TIMP3: variants seen among roughly 807,000 people sequenced by gnomAD.
The protein encoded by TIMP3 is TIMP metallopeptidase inhibitor 3, also known as metalloproteinase inhibitor 3.
In TIMP3, 11 loss-of-function variants were observed where a neutral mutation model predicts 30.0. That is an observed-to-expected ratio of 0.37 (90% CI 0.23 to 0.61). The LOEUF is 0.61. Ranked by LOEUF, TIMP3 falls within the 20% of genes least tolerant of loss-of-function variation. The probability of loss-of-function intolerance (pLI) is 0.70; values close to 1 mark genes in which losing one functional copy is unlikely to be tolerated. For missense variants in TIMP3, 181 were observed against 276.8 expected (o/e 0.65, Z 2.45); for synonymous variants, 112 against 111.3 (o/e 1.01, Z -0.04).
chr22:32,855,978 C>T (rs2048352538), intron 2 of TIMP3, among the ~76,000 whole-genome samples: 1 of 152,210 alleles, frequency 6.6e-6, no homozygotes, highest in Admixed American at 6.5e-5. Flanking sequence ...GAACCCAATG[C>T]TTTCACCAGA....
In TIMP3 at chr22:32,859,512, G is replaced by A. The variant is rs1054464833; in HGVS notation, c.*135G>A. On this transcript the variant is annotated 3_prime_UTR_variant, in exon 5 of 5. Coordinates refer to ENST00000266085, the MANE Select transcript of TIMP3 (RefSeq NM_000362.5). The stretch of plus-strand genomic sequence containing the variant: ...TTAGCACTTGGAACATTTAAAGAAA[G>A]GTCTATGCTGTCATATGGGGTTTAT... 35 of 1,141,864 alleles carry A rather than the reference G, an allele frequency of 3.1e-5. No individual in the cohort carries two copies. The East Asian group carries it at 3.8e-4, about 13-fold the overall frequency. 70.7% of individuals were successfully genotyped at this position (1,141,864 alleles called of 1,614,324 possible).
At chr22:32,835,020 T>G (rs868790627) in intron 1 of TIMP3, among the ~76,000 whole-genome samples, 2 of 152,226 alleles carry the variant, frequency 1.3e-5, no homozygotes, top group South Asian at 2.1e-4. Flanking sequence ...TTGGTCTGAT[T>G]GCTGTACCCT....
intron 1 of TIMP3, among the ~76,000 whole-genome samples, chr22:32,804,779 G>T (rs1478048417): frequency 6.6e-6 from 1 of 152,202 alleles, no homozygotes; most frequent in Non-Finnish European, 1.5e-5. Flanking sequence ...TAAACTACAT[G>T]CCGGCTTATA....
intron 1 of TIMP3, among the ~76,000 whole-genome samples, chr22:32,838,259 G>T (rs764831987): frequency 1.3e-5 from 2 of 152,174 alleles, no homozygotes; most frequent in African/African-American, 4.8e-5. Flanking sequence ...GGAGAAGGAG[G>T]GGGGGTGGCA....
rs1010597780 is a variant in TIMP3 at position 32,802,223 on chromosome 22, G to C, written c.121+101G>C. 4.6e-5 allele frequency: 67 copies of C among 1,470,810 alleles called. 1 individual carries two copies. In the Admixed American group the frequency reaches 1.4e-3, roughly 31 times the overall value. 91.1% of individuals were successfully genotyped at this position (1,470,810 alleles called of 1,614,324 possible). On this transcript the variant is annotated intron_variant, in intron 1 of 4. Coordinates refer to ENST00000266085, the MANE Select transcript of TIMP3 (RefSeq NM_000362.5). ...GCCCCACTCCTTTCCTCTGCCCCAGGAGAGGGGCAGACGGGGTTGGGGCGG... is the reference window on the plus strand; with the variant it reads ...GCCCCACTCCTTTCCTCTGCCCCAGCAGAGGGGCAGACGGGGTTGGGGCGG...
chr22:32,831,511 T>TC (rs2047572666), intron 1 of TIMP3, among the ~76,000 whole-genome samples: 1 of 152,042 alleles, frequency 6.6e-6, no homozygotes, highest in African/African-American at 2.4e-5. Context: ...GGGGTCGGAG[T>TC]TGGGGGGCAG....
Position 32,811,626 on chromosome 22 carries a change from A to T in TIMP3, c.121+9504A>T, listed in dbSNP as rs1394821552. On this transcript the variant is annotated intron_variant, in intron 1 of 4. Coordinates refer to ENST00000266085, the MANE Select transcript of TIMP3 (RefSeq NM_000362.5). Reference sequence around the variant, plus strand: ...CTATTTTCACAACTCTTCACATTTTAGAGTCTTAAGTCCATTTGATCTCAT... The same window carrying T: ...CTATTTTCACAACTCTTCACATTTTTGAGTCTTAAGTCCATTTGATCTCAT... Among the ~76,000 whole-genome samples the T allele has an allele frequency of 3.3e-5, 5 of 152,254 alleles. No homozygotes were observed. In the East Asian group the frequency reaches 9.6e-4, roughly 29 times the overall value.
chr22:32,844,211 T>C (rs1317672806), intron 1 of TIMP3, among the ~76,000 whole-genome samples: 1 of 152,128 alleles, frequency 6.6e-6, no homozygotes, highest in Non-Finnish European at 1.5e-5. Context: ...GGATGGGGGA[T>C]AGAAGCAGAG....
chr22:32,842,760 C>T (rs1177994093), intron 1 of TIMP3, among the ~76,000 whole-genome samples: 8 of 152,006 alleles, frequency 5.3e-5, no homozygotes, highest in Non-Finnish European at 8.8e-5. Flanking sequence ...AAAGCCTTGC[C>T]GGGGAGCACA....
At chr22:32,858,214 T>TA in intron 4 of TIMP3, 76 bp downstream of exon 4, 1 of 1,591,678 alleles carries the variant, frequency 6.3e-7, no homozygotes, top group Non-Finnish European at 8.6e-7. Context: ...CCCAATGCAC[T>TA]GGGTGCCAGG....
chr22:32,831,508 G>A (rs62232919), intron 1 of TIMP3, among the ~76,000 whole-genome samples: 1 of 152,178 alleles, frequency 6.6e-6, no homozygotes, highest in Non-Finnish European at 1.5e-5. Flanking sequence ...GTGGGGGTCG[G>A]AGTTGGGGGG....
chr22:32,859,333 T>C lies in TIMP3; in HGVS notation c.592T>C (p.Trp198Arg). The change falls in exon 5 of 5, where the codon TGG becomes CGG. Residue 198 changes from tryptophan (W) to arginine (R), a missense_variant. This residue lies in a region of TIMP3 where 47 missense variants were observed against 63.8 expected (regional missense o/e 0.74). Transcript: ENST00000266085. ...KGGYCSWYRG[W>R]APPDKSIINA... ...CGGCTACTGCAGCTGGTACCGAGGATGGGCCCCCCCGGATAAAAGCATCAT... is the reference window on the plus strand; with the variant it reads ...CGGCTACTGCAGCTGGTACCGAGGACGGGCCCCCCCGGATAAAAGCATCAT... 6.2e-7 allele frequency: 1 copy of C among 1,613,716 alleles called. No individual in the cohort carries two copies. The highest frequency in any genetic ancestry group is 8.5e-7 in the Non-Finnish European group (1 of 1,180,034).
intron 1 of TIMP3, among the ~76,000 whole-genome samples, chr22:32,827,465 CAT>C (rs142519605): frequency 0.017 from 2,514 of 152,310 alleles, 42 homozygotes; most frequent in Middle Eastern, 0.044. Context: ...GATTTTAAAA[CAT>C]GTGATGATAT....
intron 1 of TIMP3, among the ~76,000 whole-genome samples, chr22:32,828,577 T>C (rs1238855563): frequency 1.3e-5 from 2 of 152,182 alleles, no homozygotes; most frequent in African/African-American, 2.4e-5. Flanking sequence ...TAAGGGCCTT[T>C]ATTTGGTCTG....
chr22:32,814,233 AAAAG>A (rs1201081292), intron 1 of TIMP3, among the ~76,000 whole-genome samples: 78 of 138,806 alleles, frequency 5.6e-4, no homozygotes, highest in African/African-American at 6.4e-4. Context: ...GAAAGAAAAA[AAAAG>A]AAAGAAAGAA....
chr22:32,830,311 AG>A (rs2047535818), intron 1 of TIMP3, among the ~76,000 whole-genome samples: 1 of 152,090 alleles, frequency 6.6e-6, no homozygotes, highest in African/African-American at 2.4e-5. Flanking sequence ...CCTCAAGGGG[AG>A]TATCTCCCTT....
In TIMP3 at chr22:32,846,617, T is replaced by A. The variant is rs73158352; in HGVS notation, c.122-2835T>A. Among the ~76,000 whole-genome samples the A allele has an allele frequency of 5.6e-3, 847 of 152,344 alleles. 5 individuals carry two copies. Among genetic ancestry groups the A allele is most frequent in the South Asian group, 0.021 (103 of 4,828 alleles). The stretch of plus-strand genomic sequence containing the variant: ...TGGGAAACCAAGGCATAGAGAGGTT[T>A]AGCAACTTCCTGAAGGTCACCCAGC... On this transcript the variant is annotated intron_variant, in intron 1 of 4. Transcript: ENST00000266085.
chr22:32,855,797 A>AG (rs2048346761), intron 2 of TIMP3, among the ~76,000 whole-genome samples: 1 of 152,158 alleles, frequency 6.6e-6, no homozygotes, highest in African/African-American at 2.4e-5. Context: ...AATATTTCCT[A>AG]GGGGGGCAAA....
intron 1 of TIMP3, among the ~76,000 whole-genome samples, chr22:32,821,629 G>GAGCGGAGGCCCAGAGA (rs1289203959): frequency 3.3e-5 from 5 of 152,364 alleles, no homozygotes; most frequent in African/African-American, 1.2e-4. Flanking sequence ...TCGGATGGAA[G>GAGCGGAGGCCCAGAGA]AGCGGAGGCC....
Sources: gnomAD v4.1 joint callset for allele counts (sites outside exome capture counted in the v4.1 genomes callset) on GRCh38, gnomAD v4.1.1 for gene constraint, gnomAD v4.1.1 regional missense constraint, MANE v1.5 for transcripts, NCBI Gene and HGNC (gene_info 2026-07-23, HGNC 2026-07-21) for gene names.